The following NRG1 variants were observed in gnomAD, a reference collection of about 807,000 sequenced individuals.
The protein encoded by NRG1 is pro-neuregulin-1, membrane-bound isoform.
In NRG1, 18 loss-of-function variants were observed where a neutral mutation model predicts 63.8. The observed-to-expected ratio is 0.28, with a 90% CI of 0.19 to 0.42. NRG1 has a LOEUF of 0.42. Ranked by LOEUF, NRG1 falls within the 10% of genes least tolerant of loss-of-function variation. The probability of loss-of-function intolerance (pLI) is 1.00; values close to 1 mark genes in which losing one functional copy is unlikely to be tolerated. For missense variants in NRG1, 762 were observed against 814.7 expected, an observed-to-expected ratio of 0.94 and a Z score of 0.79; for synonymous variants, 302 against 301.3, an observed-to-expected ratio of 1.00 and a Z score of -0.02.
intron 1 of NRG1, among the ~76,000 whole-genome samples, chr8:32,011,977 T>A (rs573101972): frequency 6.6e-6 from 1 of 152,148 alleles, no homozygotes; most frequent in African/African-American, 2.4e-5. Flanking sequence ...ATATATCAAG[T>A]GTGAGAGAGA....
intron 1 of NRG1, among the ~76,000 whole-genome samples, chr8:31,858,390 A>C (rs947610556): frequency 1.3e-5 from 2 of 152,180 alleles, no homozygotes; most frequent in African/African-American, 4.8e-5. Flanking sequence ...AAGGTGAAAA[A>C]GCTTGATAAG....
downstream of NRG1, among the ~76,000 whole-genome samples, chr8:32,770,319 T>A (rs978986999): frequency 1.3e-5 from 2 of 152,164 alleles, no homozygotes; most frequent in African/African-American, 4.8e-5. Flanking sequence ...TGAGGAAAAT[T>A]TAGGCTCAGG....
chr8:32,097,812 A>G (rs968197222), intron 1 of NRG1, among the ~76,000 whole-genome samples: 1 of 152,204 alleles, frequency 6.6e-6, no homozygotes, highest in Non-Finnish European at 1.5e-5. Context: ...ATATTTGGGG[A>G]ATATTTTATG....
chr8:32,452,933 A>G (rs567994090), intron 1 of NRG1, among the ~76,000 whole-genome samples: 16 of 152,326 alleles, frequency 1.1e-4, no homozygotes, highest in African/African-American at 3.8e-4. Flanking sequence ...TTCTTGAGAC[A>G]AAGAGGTCAG....
chr8:32,210,596 A>G (rs1844599586), intron 1 of NRG1, among the ~76,000 whole-genome samples: 1 of 152,202 alleles, frequency 6.6e-6, no homozygotes, highest in Admixed American at 6.5e-5. Flanking sequence ...CAGCTCTGAG[A>G]CTTTGAAGAG....
intron 1 of NRG1, among the ~76,000 whole-genome samples, chr8:32,517,091 C>T (rs1001292416): frequency 2.6e-5 from 4 of 152,036 alleles, no homozygotes; most frequent in African/African-American, 7.2e-5. Flanking sequence ...TATAGTTCTC[C>T]ATCTGCCTGC....
intron 1 of NRG1, among the ~76,000 whole-genome samples, chr8:31,840,227 A>C (rs527597529): frequency 6.6e-6 from 1 of 152,290 alleles, no homozygotes; most frequent in African/African-American, 2.4e-5. Context: ...TGACAAAGCC[A>C]GCCAGTCTAC....
intron 1 of NRG1, among the ~76,000 whole-genome samples, chr8:32,071,651 T>G (rs761011999): frequency 6.6e-6 from 1 of 152,176 alleles, no homozygotes; most frequent in Non-Finnish European, 1.5e-5. Context: ...GCAATCAAAC[T>G]GAGGTTTTCT....
intron 1 of NRG1, among the ~76,000 whole-genome samples, chr8:32,105,357 C>CATGGCAG (rs1173485978): frequency 6.6e-6 from 1 of 152,170 alleles, no homozygotes; most frequent in Non-Finnish European, 1.5e-5. Context: ...GCCTCACAAT[C>CATGGCAG]ATGGCAGAAG....
chr8:32,033,478 T>G (rs1463709564), intron 1 of NRG1, among the ~76,000 whole-genome samples: 1 of 152,242 alleles, frequency 6.6e-6, no homozygotes, highest in Non-Finnish European at 1.5e-5. Context: ...CTTCTAATTC[T>G]ATGAAGAATG....
intron 1 of NRG1, among the ~76,000 whole-genome samples, chr8:31,681,813 G>C (rs1808365593): frequency 4.6e-5 from 7 of 151,824 alleles, no homozygotes; most frequent in Admixed American, 4.6e-4. Flanking sequence ...TTTTAGAGCA[G>C]GTTTAGGATC....
chr8:31,871,710 C>A (rs1829502112), intron 1 of NRG1, among the ~76,000 whole-genome samples: 1 of 152,098 alleles, frequency 6.6e-6, no homozygotes, highest in South Asian at 2.1e-4. Context: ...ATTTTCTTAA[C>A]CTTAATAACT....
chr8:32,664,878 CTT>C (rs1285895317), intron 5 of NRG1, among the ~76,000 whole-genome samples: 1 of 152,094 alleles, frequency 6.6e-6, no homozygotes, highest in Non-Finnish European at 1.5e-5. Context: ...TCTCCTAAGT[CTT>C]TATGTATTTA....
intron 1 of NRG1, among the ~76,000 whole-genome samples, chr8:31,992,785 T>G (rs1811313881): frequency 6.6e-6 from 1 of 152,008 alleles, no homozygotes; most frequent in South Asian, 2.1e-4. Context: ...TTAGCTCCAT[T>G]GCAAAATAGG....
At chr8:32,049,362 A>C (rs1821608499) in intron 1 of NRG1, among the ~76,000 whole-genome samples, 1 of 152,138 alleles carries the variant, frequency 6.6e-6, no homozygotes, top group African/African-American at 2.4e-5. Flanking sequence ...TGAGTGTAAG[A>C]TTTCTGCCCT....
intron 5 of NRG1, among the ~76,000 whole-genome samples, chr8:32,662,021 A>G (rs1474514220): frequency 6.6e-6 from 1 of 152,226 alleles, no homozygotes; most frequent in African/African-American, 2.4e-5. Context: ...ATGTCCTAGC[A>G]TAAAGAAAAA....
intron 1 of NRG1, among the ~76,000 whole-genome samples, chr8:32,280,756 A>ATT (rs577848038): frequency 2.2e-4 from 7 of 31,880 alleles, no homozygotes; most frequent in Admixed American, 7.7e-4. Context: ...TTGTCCTTTC[A>ATT]TTTTTTTTTT....
chr8:32,161,408 A>T (rs1049975895), intron 1 of NRG1, among the ~76,000 whole-genome samples: 6 of 152,212 alleles, frequency 3.9e-5, no homozygotes, highest in African/African-American at 1.4e-4. Flanking sequence ...GTGTGTAATA[A>T]TAGAGCTACT....
rs10096055 is a variant in NRG1, at chr8:32,476,570, G to T, written c.38-119258G>T. On this transcript the variant is annotated intron_variant, in intron 1 of 10. Transcript: ENST00000519301. ...TCTCTTTTCTTTCAAGCTCCAGAGG[G>T]TTTATAAGACATTTCCATGTTCAAT... is the stretch of plus-strand genomic sequence containing the variant. 3.1e-3 allele frequency among the ~76,000 whole-genome samples: 464 copies of T among 152,126 alleles called. 2 individuals carry two copies. Among genetic ancestry groups the T allele is most frequent in the Admixed American group, 5.5e-3 (84 of 15,288 alleles).
Sources: allele counts gnomAD v4.1 joint callset (sites outside exome capture counted in the v4.1 genomes callset), GRCh38; gene constraint gnomAD v4.1.1; transcripts MANE v1.5; gene names NCBI Gene and HGNC (gene_info 2026-07-23, HGNC 2026-07-21).